The following CACNA2D3 variants were observed in gnomAD, a reference collection of about 807,000 sequenced individuals.
CACNA2D3 encodes voltage-dependent calcium channel subunit alpha-2/delta-3.
A neutral mutation model predicts 160.6 loss-of-function variants in CACNA2D3; 60 were observed. The ratio of observed to expected loss-of-function variants is 0.37; its 90% CI spans 0.30 to 0.46. CACNA2D3 has a LOEUF of 0.46. Among genes scored for constraint, CACNA2D3 ranks in the 20% least tolerant of loss-of-function variants. The probability of loss-of-function intolerance (pLI) is 1.00; values close to 1 mark genes in which losing one functional copy is unlikely to be tolerated. For synonymous variants in CACNA2D3, 558 were observed against 492.9 expected (o/e 1.13, Z -1.75); for missense variants, 1,205 against 1,365.0 (o/e 0.88, Z 1.85).
At chr3:54,227,650 G>A (rs891071627) in intron 2 of CACNA2D3, among the ~76,000 whole-genome samples, 24 of 152,100 alleles carry the variant, frequency 1.6e-4, no homozygotes, top group Admixed American at 1.1e-3. Flanking sequence ...CGCCTCTCAG[G>A]TTCAAGCATT....
chr3:55,069,627 C>T (rs1223048268), intron 35 of CACNA2D3, among the ~76,000 whole-genome samples: 2 of 152,248 alleles, frequency 1.3e-5, no homozygotes, highest in South Asian at 2.1e-4. Flanking sequence ...AGTAGTTGGT[C>T]AGTGGGTTCA....
At chr3:54,333,464 C>T (rs1704311372) in intron 3 of CACNA2D3, among the ~76,000 whole-genome samples, 1 of 151,996 alleles carries the variant, frequency 6.6e-6, no homozygotes, top group Admixed American at 6.5e-5. Context: ...TGTATATGCA[C>T]CTGCCCACCC....
intron 9 of CACNA2D3, among the ~76,000 whole-genome samples, chr3:54,597,798 A>G (rs541814631): frequency 1.3e-5 from 2 of 152,340 alleles, no homozygotes; most frequent in South Asian, 4.1e-4. Context: ...ACTGTTCAGC[A>G]TGACAATTTT....
At chr3:54,507,423 C>T (rs1701388598) in intron 5 of CACNA2D3, among the ~76,000 whole-genome samples, 1 of 152,168 alleles carries the variant, frequency 6.6e-6, no homozygotes, top group Admixed American at 6.5e-5. Context: ...TCCTTCTCTA[C>T]TTTAGGTTCT....
chr3:54,140,189 T>C (rs1699897503), intron 2 of CACNA2D3, among the ~76,000 whole-genome samples: 2 of 152,212 alleles, frequency 1.3e-5, no homozygotes, highest in Non-Finnish European at 2.9e-5. Context: ...GACATCTCCT[T>C]GGGCCAGGTC....
At chr3:54,301,024 T>A (rs56089655) in intron 2 of CACNA2D3, among the ~76,000 whole-genome samples, 12,394 of 140,036 alleles carry the variant, frequency 0.089, 713 homozygotes, top group South Asian at 0.14. Flanking sequence ...TGTGTCCCTT[T>A]AAAAAAAAAA....
chr3:54,287,692 C>A (rs1703069086), intron 2 of CACNA2D3, among the ~76,000 whole-genome samples: 1 of 144,878 alleles, frequency 6.9e-6, no homozygotes, highest in African/African-American at 2.5e-5. Context: ...CTCTCCTCAG[C>A]AAATGTAAAA....
At chr3:54,911,715 C>T (rs1700560419) in intron 27 of CACNA2D3, among the ~76,000 whole-genome samples, 1 of 152,080 alleles carries the variant, frequency 6.6e-6, no homozygotes, top group African/African-American at 2.4e-5. Context: ...CCAACCTTCA[C>T]CTCTTCATTT....
intron 2 of CACNA2D3, among the ~76,000 whole-genome samples, chr3:54,206,578 G>T (rs1434828566): frequency 4.6e-5 from 7 of 152,180 alleles, no homozygotes; most frequent in Admixed American, 3.9e-4. Context: ...CCAACCTTGA[G>T]AGGGTGAGGC....
At chr3:54,722,137 C>T (rs1458762965) in intron 11 of CACNA2D3, among the ~76,000 whole-genome samples, 1 of 152,142 alleles carries the variant, frequency 6.6e-6, no homozygotes, top group Non-Finnish European at 1.5e-5. Flanking sequence ...CTAATCTTGT[C>T]TTCTTGCTTT....
At chr3:55,038,996 A>G (rs1329267431) in intron 35 of CACNA2D3, among the ~76,000 whole-genome samples, 17 of 151,100 alleles carry the variant, frequency 1.1e-4, no homozygotes. Context: ...GCTGTGTGCC[A>G]AAAAGAAGGG....
intron 14 of CACNA2D3, among the ~76,000 whole-genome samples, chr3:54,832,304 G>A (rs965663428): frequency 1.3e-5 from 2 of 152,170 alleles, no homozygotes; most frequent in African/African-American, 2.4e-5. Flanking sequence ...TGTGTGAAGT[G>A]CTCTGGTTAA....
chr3:54,405,856 A>C (rs1261736233), intron 4 of CACNA2D3, among the ~76,000 whole-genome samples: 6 of 72,548 alleles, frequency 8.3e-5, no homozygotes, highest in Admixed American at 1.7e-4. Context: ...TCAATAGCAA[A>C]AAAAAAAATG....
At chr3:54,474,412 A>AG (rs1042441513) in intron 4 of CACNA2D3, among the ~76,000 whole-genome samples, 18 of 150,656 alleles carry the variant, frequency 1.2e-4, no homozygotes, top group African/African-American at 4.1e-4. Flanking sequence ...GTGGGGGCCT[A>AG]GGGGAGGGAT....
At chr3:54,509,371 G>A (rs1191840068) in intron 5 of CACNA2D3, among the ~76,000 whole-genome samples, 1 of 152,022 alleles carries the variant, frequency 6.6e-6, no homozygotes, top group East Asian at 1.9e-4. Context: ...CTGACCCCAG[G>A]ATGTCAGAAA....
intron 2 of CACNA2D3, among the ~76,000 whole-genome samples, chr3:54,162,479 T>C (rs1700364584): frequency 6.6e-6 from 1 of 152,132 alleles, no homozygotes; most frequent in Non-Finnish European, 1.5e-5. Context: ...TTCCTCATAA[T>C]GTGACAGGTG....
At chr3:54,417,231 G>A (rs921104543) in intron 4 of CACNA2D3, among the ~76,000 whole-genome samples, 1 of 152,144 alleles carries the variant, frequency 6.6e-6, no homozygotes, top group Non-Finnish European at 1.5e-5. Context: ...CATTTCACTT[G>A]TTCACAGCAA....
At chr3:54,818,053 C>A (rs1049586723) in intron 14 of CACNA2D3, among the ~76,000 whole-genome samples, 3 of 151,958 alleles carry the variant, frequency 2.0e-5, no homozygotes, top group African/African-American at 7.2e-5. Context: ...AGAGAGACTT[C>A]ACAAATTCTC....
chr3:55,002,012 T>C lies in CACNA2D3; in HGVS notation c.2691-2751T>C, dbSNP rs138294536. On this transcript the variant is annotated intron_variant, in intron 31 of 37. Transcript: ENST00000474759. ...TCTCTACTAAAAATACAAAATTAGT[T>C]GGGTGTAGTGGCATGTGCCTGTAGT... Among the ~76,000 whole-genome samples, 635 of 152,116 alleles carry C rather than the reference T, an allele frequency of 4.2e-3. 3 individuals carry two copies. The highest frequency in any genetic ancestry group is 0.014 in the African/African-American group (600 of 41,498).
Sources: allele counts gnomAD v4.1 joint callset (sites outside exome capture counted in the v4.1 genomes callset), GRCh38; gene constraint gnomAD v4.1.1; transcripts MANE v1.5; gene names NCBI Gene and HGNC (gene_info 2026-07-23, HGNC 2026-07-21).